Variants in OR52K1 observed in about 807,000 individuals in gnomAD.
OR52K1 encodes olfactory receptor 52K1.
OR52K1 carries 10 observed loss-of-function variants against 8.7 expected under a neutral mutation model. The ratio of observed to expected loss-of-function variants is 1.15; its 90% CI spans 0.71 to 1.95. The LOEUF (loss-of-function observed/expected upper bound fraction) is 1.95, where lower values mean the gene tolerates loss of function less well. OR52K1 is among the 30% of genes most tolerant of loss of function. OR52K1 has a pLI of 0.00. For missense variants in OR52K1, 431 were observed against 397.2 expected, an observed-to-expected ratio of 1.08 and a Z score of -0.72; for synonymous variants, 203 against 148.5, an observed-to-expected ratio of 1.37 and a Z score of -2.67.
rs1846356209 is a variant in OR52K1 at position 4,489,690 on chromosome 11, C to A, written c.790C>A (p.His264Asn). The A allele has an allele frequency of 6.2e-7, 1 of 1,614,220 alleles. No individual in the cohort carries two copies. Among genetic ancestry groups the A allele is most frequent in the South Asian group, 1.1e-5 (1 of 91,082 alleles). Residue 264 changes from histidine (H) to asparagine (N), a missense_variant, in exon 2 of 2, where the codon CAC (histidine) becomes AAC (asparagine). Physicochemically the swap from His to Asn is moderately conservative, Grantham distance 68. Coordinates refer to ENST00000641528, the MANE Select transcript of OR52K1 (RefSeq NM_001005171.3). Reference protein sequence around the residue: ...YTPVVISSVMHRVARHAAPRV... With the variant: ...YTPVVISSVMNRVARHAAPRV... ...TCCAGTAGTCATCTCTTCAGTCATG[C>A]ACCGTGTAGCCCGCCATGCTGCCCC...
At chr11:4,488,299 G>A (rs1223579977) in intron 1 of OR52K1, among the ~76,000 whole-genome samples, 2 of 152,230 alleles carry the variant, frequency 1.3e-5, no homozygotes, top group African/African-American at 4.8e-5. Flanking sequence ...TTGTATAAAT[G>A]TGAAATTTAT....
chr11:4,489,117 T>C lies in OR52K1; in HGVS notation c.217T>C (p.Leu73=). Residue 73 remains leucine, a synonymous_variant, in exon 2 of 2, where the codon TTG becomes CTG. Coordinates refer to ENST00000641528, the MANE Select transcript of OR52K1 (RefSeq NM_001005171.3). ...LFLAMLATID[L]VLSSTTLPKM... ...TCTGGCCATGTTGGCAACCATTGAC[T>C]TGGTTCTTTCTTCTACAACGCTGCC... 6.2e-7 allele frequency: 1 copy of C among 1,614,228 alleles called. No homozygotes were observed. Among genetic ancestry groups the C allele is most frequent in the Non-Finnish European group, 8.5e-7 (1 of 1,180,048 alleles).
chr11:4,491,811 A>G lies in OR52K1; in HGVS notation c.*1966A>G, dbSNP rs184275077. On this transcript the variant is annotated 3_prime_UTR_variant, in exon 2 of 2. Transcript: ENST00000641528. ...AGGAGGGAGAGGATCAGGAAAAATA[A>G]CTATCAGGTACTACGCCTAGTACCT... is the stretch of plus-strand genomic sequence containing the variant. The G allele has an allele frequency of 5.9e-5, 9 of 152,330 alleles. No individual in the cohort carries two copies. Among genetic ancestry groups the G allele is most frequent in the Admixed American group, 5.9e-4 (9 of 15,302 alleles). 9.4% of individuals were successfully genotyped at this position (152,330 alleles called of 1,614,324 possible). A position where few individuals can be genotyped will look rare whatever the true frequency, so the allele number is the denominator to read the frequency against.
Position 4,488,869 on chromosome 11 carries a change from T to G in OR52K1, c.-32T>G. 6.6e-7 allele frequency: 1 copy of G among 1,503,950 alleles called. No individual in the cohort carries two copies. Among genetic ancestry groups the G allele is most frequent in the East Asian group, 2.3e-5 (1 of 44,442 alleles). The allele number at this position is 1,503,950 out of a possible 1,614,324, so 93.2% of individuals were successfully genotyped here. Reference sequence around the variant, plus strand: ...GTATATATAGAAGGTGAAGAAGCCCTGTAAAAATTGACAAGGAGATTTCCA... The same window carrying G: ...GTATATATAGAAGGTGAAGAAGCCCGGTAAAAATTGACAAGGAGATTTCCA... On this transcript the variant is annotated 5_prime_UTR_variant, in exon 2 of 2. Coordinates refer to ENST00000641528, the MANE Select transcript of OR52K1 (RefSeq NM_001005171.3).
chr11:4,485,603 T>C (rs1314719860), intron 1 of OR52K1, among the ~76,000 whole-genome samples: 32 of 152,110 alleles, frequency 2.1e-4, no homozygotes, highest in Non-Finnish European at 1.0e-4. Flanking sequence ...CCCAATCCTA[T>C]TACTTCCCAC....
intron 1 of OR52K1, among the ~76,000 whole-genome samples, chr11:4,486,390 A>G (rs935453703): frequency 6.6e-6 from 1 of 152,210 alleles, no homozygotes; most frequent in East Asian, 1.9e-4. Flanking sequence ...CTTTGGATCC[A>G]TATTCTCTTT....
Position 4,489,412 on chromosome 11 carries a change from G to T in OR52K1, c.512G>T (p.Cys171Phe), listed in dbSNP as rs1205384798. The change falls in exon 2 of 2, where the codon TGC (cysteine) becomes TTC (phenylalanine). Residue 171 changes from cysteine to phenylalanine, a missense_variant. By Grantham distance (205) the Cys-to-Phe change is radical. Transcript: ENST00000641528. ...LPFLLRRFHY[C>F]RGPVIAHCYC... ...TTCCTGCTCAGACGCTTCCACTACTGCCGAGGCCCAGTGATTGCCCATTGC... is the reference window on the plus strand; with the variant it reads ...TTCCTGCTCAGACGCTTCCACTACTTCCGAGGCCCAGTGATTGCCCATTGC... 9.3e-6 allele frequency: 15 copies of T among 1,614,062 alleles called. No homozygotes were observed. The East Asian group carries it at 3.3e-4, about 36-fold the overall frequency.
intron 1 of OR52K1, among the ~76,000 whole-genome samples, chr11:4,484,900 C>T (rs1390490222): frequency 2.0e-5 from 3 of 151,642 alleles, no homozygotes; most frequent in African/African-American, 7.3e-5. Flanking sequence ...TTAGCCAGTG[C>T]CCTATTTACT....
chr11:4,488,399 T>C (rs1280511260), intron 1 of OR52K1, among the ~76,000 whole-genome samples, 174 bp from the exon 2 acceptor site: 2 of 152,226 alleles, frequency 1.3e-5, no homozygotes, highest in African/African-American at 2.4e-5. Flanking sequence ...GATTGTGTGA[T>C]TAATTTGGGC....
Position 4,493,391 on chromosome 11 carries a change from G to A in OR52K1, c.*3546G>A, listed in dbSNP as rs1372355989. ...CTAGACCACAGTCCACTAGGTAATG[G>A]GTGCCTTCCCAGGCACTGGCATTAC... On this transcript the variant is annotated 3_prime_UTR_variant, in exon 2 of 2. Transcript: ENST00000641528. The A allele has an allele frequency of 2.0e-5, 3 of 152,248 alleles. No homozygotes were observed. The highest frequency in any genetic ancestry group is 4.4e-5 in the Non-Finnish European group (3 of 68,116). 9.4% of individuals were successfully genotyped at this position (152,248 alleles called of 1,614,324 possible). A position where few individuals can be genotyped will look rare whatever the true frequency, so the allele number is the denominator to read the frequency against.
In OR52K1 at chr11:4,489,057, G is replaced by T. The variant is rs200081615; in HGVS notation, c.157G>T (p.Ala53Ser). 48 of 1,613,990 alleles carry T rather than the reference G, an allele frequency of 3.0e-5. No homozygotes were observed. Among genetic ancestry groups the T allele is most frequent in the Non-Finnish European group, 3.7e-5 (44 of 1,179,992 alleles). Residue 53 changes from alanine (A) to serine (S), a missense_variant, in exon 2 of 2, where the codon GCT becomes TCT. Physicochemically the swap from Ala to Ser is moderately conservative, Grantham distance 99 (BLOSUM62 1). Coordinates refer to ENST00000641528, the MANE Select transcript of OR52K1 (RefSeq NM_001005171.3). Reference protein sequence around the residue: ...GNCTLLFIIQADAALHEPMYL... With the variant: ...GNCTLLFIIQSDAALHEPMYL... ...CTGTACCCTTCTCTTCATTATCCAG[G>T]CTGATGCAGCCCTCCATGAACCCAT...
Position 4,488,636 on chromosome 11 carries a change from G to C in OR52K1, c.-265G>C. ...TATACTCCATTCCTTTATGAAAGTT[G>C]TCTTAGAATATTAAATATCCATAGA... On this transcript the variant is annotated 5_prime_UTR_variant, in exon 2 of 2. Coordinates refer to ENST00000641528, the MANE Select transcript of OR52K1 (RefSeq NM_001005171.3). 2.3e-6 allele frequency: 1 copy of C among 435,978 alleles called. No individual in the cohort carries two copies. Among genetic ancestry groups the C allele is most frequent in the Non-Finnish European group, 4.1e-6 (1 of 245,474 alleles). 27.0% of individuals were successfully genotyped at this position (435,978 alleles called of 1,614,324 possible). A position where few individuals can be genotyped will look rare whatever the true frequency, so the allele number is the denominator to read the frequency against.
Position 4,482,985 on chromosome 11 carries a change from T to A in OR52K1, c.-520T>A, listed in dbSNP as rs1846293095. Reference sequence around the variant, plus strand: ...CTCCCCACCACAGAGGATGCCTGCTTCCGTCCTATGCCAAACACTGTGGGC... The same window carrying A: ...CTCCCCACCACAGAGGATGCCTGCTACCGTCCTATGCCAAACACTGTGGGC... On this transcript the variant is annotated 5_prime_UTR_variant, in exon 1 of 2. Coordinates refer to ENST00000641528, the MANE Select transcript of OR52K1 (RefSeq NM_001005171.3). 4 of 394,822 alleles carry A rather than the reference T, an allele frequency of 1.0e-5. No homozygotes were observed. The highest frequency in any genetic ancestry group is 1.8e-5 in the Non-Finnish European group (4 of 224,142). The allele number at this position is 394,822 out of a possible 1,614,324, so 24.5% of individuals were successfully genotyped here.
intron 1 of OR52K1, among the ~76,000 whole-genome samples, chr11:4,487,469 T>G (rs754050208): frequency 1.1e-4 from 16 of 151,896 alleles, no homozygotes; most frequent in Non-Finnish European, 1.9e-4. Context: ...GCAGTCATGA[T>G]TTCAGCCAAT....
intron 1 of OR52K1, among the ~76,000 whole-genome samples, chr11:4,485,677 TC>T (rs1846315877): frequency 1.3e-5 from 2 of 152,228 alleles, no homozygotes; most frequent in Admixed American, 1.3e-4. Context: ...TGCAATAGTC[TC>T]CAGGTACTTT....
chr11:4,489,648 A>G lies in OR52K1; in HGVS notation c.748A>G (p.Ile250Val), dbSNP rs911570229. 4 of 1,614,088 alleles carry G rather than the reference A, an allele frequency of 2.5e-6. No individual in the cohort carries two copies. The highest frequency in any genetic ancestry group is 3.4e-6 in the Non-Finnish European group (4 of 1,180,044). ...FGTCVSHIGA[I>V]LSTYTPVVIS... ...GACATGTGTGTCTCACATAGGTGCCATCCTGTCCACCTACACTCCAGTAGT... is the reference window on the plus strand; with the variant it reads ...GACATGTGTGTCTCACATAGGTGCCGTCCTGTCCACCTACACTCCAGTAGT... The change falls in exon 2 of 2, where the codon ATC becomes GTC. Residue 250 changes from isoleucine (I) to valine (V), a missense_variant. Coordinates refer to ENST00000641528, the MANE Select transcript of OR52K1 (RefSeq NM_001005171.3).
Position 4,491,601 on chromosome 11 carries a change from C to A in OR52K1, c.*1756C>A, listed in dbSNP as rs914888360. The A allele has an allele frequency of 1.3e-5, 2 of 152,066 alleles. No individual in the cohort carries two copies. The highest frequency in any genetic ancestry group is 2.9e-5 in the Non-Finnish European group (2 of 68,008). 9.4% of individuals were successfully genotyped at this position (152,066 alleles called of 1,614,324 possible). A position where few individuals can be genotyped will look rare whatever the true frequency, so the allele number is the denominator to read the frequency against. ...TATGCACCATGGAATACTATGCAGC[C>A]GTCAAAAAGAATAAGATCATGTCCT... On this transcript the variant is annotated 3_prime_UTR_variant, in exon 2 of 2. Transcript: ENST00000641528.
rs922242617 is a variant in OR52K1 at position 4,491,951 on chromosome 11, G to A, written c.*2106G>A. ...AGTTAAAAAGGACACTATGATATTGGTGCAAAGATCGAATGGAAAGGAACA... is the reference window on the plus strand; with the variant it reads ...AGTTAAAAAGGACACTATGATATTGATGCAAAGATCGAATGGAAAGGAACA... On this transcript the variant is annotated 3_prime_UTR_variant, in exon 2 of 2. Transcript: ENST00000641528. The A allele has an allele frequency of 1.3e-5, 2 of 152,022 alleles. No homozygotes were observed. Among genetic ancestry groups the A allele is most frequent in the Non-Finnish European group, 1.5e-5 (1 of 68,026 alleles). The allele number at this position is 152,022 out of a possible 1,614,324, so 9.4% of individuals were successfully genotyped here.
rs1424791551 is a variant in OR52K1, at chr11:4,489,652, T to C, written c.752T>C (p.Leu251Pro). The change falls in exon 2 of 2, where the codon CTG (leucine) becomes CCG (proline). Residue 251 changes from leucine to proline, a missense_variant. Coordinates refer to ENST00000641528, the MANE Select transcript of OR52K1 (RefSeq NM_001005171.3). ...TGTGTGTCTCACATAGGTGCCATCC[T>C]GTCCACCTACACTCCAGTAGTCATC... ...GTCVSHIGAILSTYTPVVISS... is the reference protein window; with the variant it reads ...GTCVSHIGAIPSTYTPVVISS... 1 of 1,614,240 alleles carries C rather than the reference T, an allele frequency of 6.2e-7. No individual in the cohort carries two copies. The highest frequency in any genetic ancestry group is 1.7e-5 in the Admixed American group (1 of 60,034).
Sources: gnomAD v4.1 joint callset for allele counts (sites outside exome capture counted in the v4.1 genomes callset) on GRCh38, gnomAD v4.1.1 for gene constraint, MANE v1.5 for transcripts, NCBI Gene and HGNC (gene_info 2026-07-23, HGNC 2026-07-21) for gene names.